CEP104: variants seen among roughly 807,000 people sequenced by gnomAD.
The protein encoded by CEP104 is centrosomal protein of 104 kDa.
In CEP104, 84 loss-of-function variants were observed where a neutral mutation model predicts 113.3. The ratio of observed to expected loss-of-function variants is 0.74; its 90% CI spans 0.62 to 0.89. CEP104 has a LOEUF of 0.89. Among genes scored for constraint, CEP104 ranks in the 40% least tolerant of loss-of-function variants. The pLI, the probability that CEP104 is intolerant of heterozygous loss-of-function variation, is 0.00. For missense variants in CEP104, 1,053 were observed against 1,156.6 expected (o/e 0.91, Z 1.30); for synonymous variants, 378 against 421.7 (o/e 0.90, Z 1.27).
At position 3,823,605 on chromosome 1, in the gene CEP104, G is replaced by A. The variant is rs372220097; in HGVS notation, c.2365-43C>T. The stretch of plus-strand genomic sequence containing the variant: ...GAGCAAAGCATGTTGCTGAGAAAGC[G>A]GCAGCGCCCTCCAGCCAGCCTGCAG... On this transcript the variant is annotated intron_variant, in intron 18 of 21. Coordinates refer to ENST00000378230, the MANE Select transcript of CEP104 (RefSeq NM_014704.4). This position sits in a 1 kb window ranked among gnomAD's most constrained non-coding sequence, Gnocchi z 4.1. 208 of 1,612,848 alleles carry A rather than the reference G, an allele frequency of 1.3e-4. 1 individual carries two copies. In the Middle Eastern group the frequency reaches 3.3e-3, roughly 26 times the overall value.
At position 3,813,969 on chromosome 1, in the gene CEP104, T is replaced by C. The variant is rs1016745171; in HGVS notation, c.*1433A>G. 1 of 152,210 alleles carries C rather than the reference T, an allele frequency of 6.6e-6. No individual in the cohort carries two copies. The highest frequency in any genetic ancestry group is 2.1e-4 in the South Asian group (1 of 4,830). 9.4% of individuals were successfully genotyped at this position (152,210 alleles called of 1,614,324 possible). A position where few individuals can be genotyped will look rare whatever the true frequency, so the allele number is the denominator to read the frequency against. On this transcript the variant is annotated 3_prime_UTR_variant, in exon 22 of 22. Coordinates refer to ENST00000378230, the MANE Select transcript of CEP104 (RefSeq NM_014704.4). ...TTAGTTTACCAAACGTGGAGATTAA[T>C]TCATGCAAATTTATGGTTATTAATG...
At position 3,831,321 on chromosome 1, in the gene CEP104, A is replaced by T. The variant is rs1644202636; in HGVS notation, c.1660-99T>A. The T allele has an allele frequency of 4.1e-6, 4 of 976,260 alleles. No individual in the cohort carries two copies. The South Asian group carries it at 4.8e-5, about 12-fold the overall frequency. The allele number at this position is 976,260 out of a possible 1,614,324, so 60.5% of individuals were successfully genotyped here. ...CTTAAACTAAACACTGAAGGGAAAA[A>T]CAGGGAAATACAGATTGATAGTGAC... On this transcript the variant is annotated intron_variant, in intron 12 of 21. Coordinates refer to ENST00000378230, the MANE Select transcript of CEP104 (RefSeq NM_014704.4).
rs1644099234 is a variant in CEP104 at position 3,826,721 on chromosome 1, C to G, written c.2175G>C (p.Lys725Asn). Residue 725 changes from lysine (K) to asparagine (N), a missense_variant, in exon 16 of 22, where the codon AAG (lysine) becomes AAC (asparagine). Lys to Asn is a moderately conservative substitution (Grantham distance 94). Coordinates refer to ENST00000378230, the MANE Select transcript of CEP104 (RefSeq NM_014704.4). The stretch of plus-strand genomic sequence containing the variant: ...TTCTTTACATACCCTGATTCTTTGG[C>G]TTCACAGCATCACTTTCTTTTTCCT... Reference protein sequence around the residue: ...EVQEKESDAVKPKNQDIQGGK... With the variant: ...EVQEKESDAVNPKNQDIQGGK... The G allele has an allele frequency of 6.2e-7, 1 of 1,614,044 alleles. No individual in the cohort carries two copies. Among genetic ancestry groups the G allele is most frequent in the African/African-American group, 1.3e-5 (1 of 74,922 alleles).
At chr1:3,827,618 T>C (rs996432622) in intron 15 of CEP104, among the ~76,000 whole-genome samples, 1 of 152,212 alleles carries the variant, frequency 6.6e-6, no homozygotes, top group African/African-American at 2.4e-5. Flanking sequence ...GTGAGAGCAC[T>C]CCATGCCACC....
intron 2 of CEP104, among the ~76,000 whole-genome samples, chr1:3,851,814 TG>T (rs1644616688): frequency 1.3e-5 from 2 of 152,160 alleles, no homozygotes; most frequent in African/African-American, 4.8e-5. Context: ...TGTGCCCAAT[TG>T]AACATTTTAA....
At chr1:3,831,760 T>C (rs990070978) in intron 12 of CEP104, among the ~76,000 whole-genome samples, 2 of 152,200 alleles carry the variant, frequency 1.3e-5, no homozygotes, top group African/African-American at 4.8e-5. Flanking sequence ...ATTAACCGGA[T>C]ATAGAGAAAA....
intron 4 of CEP104, 85 bp from the exon 5 acceptor site, chr1:3,845,436 C>A: frequency 9.4e-7 from 1 of 1,063,880 alleles, no homozygotes; most frequent in Non-Finnish European, 1.4e-6. Context: ...GAGACAGGGT[C>A]TCGTCTGTCA....
intron 11 of CEP104, 61 bp from the exon 12 acceptor site, chr1:3,834,096 A>G (rs79903098): frequency 7.4e-7 from 1 of 1,347,720 alleles, no homozygotes; most frequent in East Asian, 2.3e-5. Context: ...AAGAGGAAAC[A>G]TGGCATTTAC....
Position 3,839,208 on chromosome 1 carries a change from G to A in CEP104, c.736-89C>T, listed in dbSNP as rs544456830. The A allele has an allele frequency of 6.3e-5, 73 of 1,161,936 alleles. No individual in the cohort carries two copies. The East Asian group carries it at 1.2e-3, about 19-fold the overall frequency. The allele number at this position is 1,161,936 out of a possible 1,614,324, so 72.0% of individuals were successfully genotyped here. ...AATTTTTAAGAATCACGCGTGAACC[G>A]TCTTGCAAGGAGAGGGAGTGAGCAC... On this transcript the variant is annotated intron_variant, in intron 7 of 21. Coordinates refer to ENST00000378230, the MANE Select transcript of CEP104 (RefSeq NM_014704.4).
intron 3 of CEP104, 62 bp downstream of exon 3, chr1:3,848,546 A>AAAAAG: frequency 7.0e-7 from 1 of 1,419,108 alleles, no homozygotes; most frequent in Non-Finnish European, 9.7e-7. Context: ...AAAAAAAAAA[A>AAAAAG]AGAGCTTTCA....
rs760161385 is a variant in CEP104, at chr1:3,823,381, C to T, written c.2503+43G>A. 2.5e-6 allele frequency: 4 copies of T among 1,614,048 alleles called. No homozygotes were observed. The highest frequency in any genetic ancestry group is 3.3e-5 in the Admixed American group (2 of 60,030). On this transcript the variant is annotated intron_variant, in intron 19 of 21. Transcript: ENST00000378230. This position sits in a 1 kb window ranked among gnomAD's most constrained non-coding sequence, Gnocchi z 4.1. ...CAGTGGCACTTCCTCCAAGAGGACC[C>T]CTGGTGACCCGAGGGCACGGGAGCC...
At chr1:3,828,428 C>T (rs542221012) in intron 15 of CEP104, among the ~76,000 whole-genome samples, 5 of 152,324 alleles carry the variant, frequency 3.3e-5, no homozygotes, top group African/African-American at 1.2e-4. Context: ...GGAAATGTCA[C>T]GGTGACTTTT....
rs1204139800 is a variant in CEP104 at position 3,823,823 on chromosome 1, C to T, written c.2365-261G>A. 4.6e-5 allele frequency among the ~76,000 whole-genome samples: 7 copies of T among 152,278 alleles called. No homozygotes were observed. The highest frequency in any genetic ancestry group is 2.1e-4 in the South Asian group (1 of 4,818). On this transcript the variant is annotated intron_variant, in intron 18 of 21. Transcript: ENST00000378230. This position sits in a 1 kb window ranked among gnomAD's most constrained non-coding sequence, Gnocchi z 4.1. Reference sequence around the variant, plus strand: ...GCCACTGTCAAGGATGGGGAAGCTACGGTCGGCCTGAGTGTGAAGCTTGGA... The same window carrying T: ...GCCACTGTCAAGGATGGGGAAGCTATGGTCGGCCTGAGTGTGAAGCTTGGA...
At chr1:3,826,965 AT>A (rs1411494886) in intron 15 of CEP104, among the ~76,000 whole-genome samples, 1 of 151,672 alleles carries the variant, frequency 6.6e-6, no homozygotes, top group Non-Finnish European at 1.5e-5. Flanking sequence ...CCTGGGCAAC[AT>A]GGCAAACAAA....
intron 18 of CEP104, among the ~76,000 whole-genome samples, chr1:3,824,072 A>G (rs1458488069): frequency 6.6e-6 from 1 of 152,130 alleles, no homozygotes; most frequent in Non-Finnish European, 1.5e-5. Flanking sequence ...TTCTTCATAA[A>G]TTACCCAGTC....
rs1644554240 is a variant in CEP104, at chr1:3,848,664, A to G, written c.231T>C (p.Ser77=). The G allele has an allele frequency of 1.2e-6, 2 of 1,613,874 alleles. No homozygotes were observed. The highest frequency in any genetic ancestry group is 1.3e-5 in the African/African-American group (1 of 75,016). ...GTGCAAAATATTCAGGCAAGCTTTC[A>G]CTAATGTAGAACTCAATTTTACTTG... ...MISSKIEFYI[S]ESLPEYFAPY... Residue 77 remains serine, a synonymous_variant, in exon 3 of 22, where the codon AGT becomes AGC. Transcript: ENST00000378230.
At position 3,814,128 on chromosome 1, in the gene CEP104, A is replaced by T. The variant is rs1643837309; in HGVS notation, c.*1274T>A. 6.6e-6 allele frequency: 1 copy of T among 152,208 alleles called. No individual in the cohort carries two copies. The highest frequency in any genetic ancestry group is 2.4e-5 in the African/African-American group (1 of 41,446). The allele number at this position is 152,208 out of a possible 1,614,324, so 9.4% of individuals were successfully genotyped here. ...AAACTCCATCAACCCAAACCTTTCT[A>T]ACTATCCTTTTTGAAGTCTGCCCAT... On this transcript the variant is annotated 3_prime_UTR_variant, in exon 22 of 22. Coordinates refer to ENST00000378230, the MANE Select transcript of CEP104 (RefSeq NM_014704.4).
At chr1:3,816,569 T>C in intron 20 of CEP104, 199 bp from the exon 21 acceptor site, 1 of 499,912 alleles carries the variant, frequency 2.0e-6, no homozygotes. Flanking sequence ...AGGGTACAAC[T>C]CAGGAAGCAA....
intron 9 of CEP104, 91 bp downstream of exon 9, chr1:3,837,201 A>G: frequency 9.5e-7 from 1 of 1,050,858 alleles, no homozygotes; most frequent in Non-Finnish European, 1.4e-6. Flanking sequence ...GCACTCATGC[A>G]CCCCATGCAT....
Sources: allele counts gnomAD v4.1 joint callset (sites outside exome capture counted in the v4.1 genomes callset), GRCh38; gene constraint gnomAD v4.1.1; non-coding constraint Gnocchi (gnomAD v3.1); transcripts MANE v1.5; gene names NCBI Gene and HGNC (gene_info 2026-07-23, HGNC 2026-07-21).